Variants in KIF26B observed in about 807,000 individuals in gnomAD.
KIF26B encodes the protein kinesin family member 26B.
A neutral mutation model predicts 151.2 loss-of-function variants in KIF26B; 63 were observed. The ratio of observed to expected loss-of-function variants is 0.42; its 90% confidence interval spans 0.34 to 0.51. The LOEUF is 0.51. Among genes scored for constraint, KIF26B ranks in the 20% least tolerant of loss-of-function variants. KIF26B has a pLI of 0.07. For synonymous variants in KIF26B, 1,357 were observed against 1,262.1 expected, an observed-to-expected ratio of 1.08 and a Z score of -1.59; for missense variants, 2,813 against 2,913.6, an observed-to-expected ratio of 0.97 and a Z score of 0.79.
chr1:245,561,744 G>T (rs2042953891), intron 5 of KIF26B, among the ~76,000 whole-genome samples: 1 of 152,190 alleles, frequency 6.6e-6, no homozygotes, highest in Admixed American at 6.5e-5. Flanking sequence ...TCATGTGCAT[G>T]CTGCATCTCT....
At chr1:245,274,163 C>A (rs1670899645) in intron 2 of KIF26B, among the ~76,000 whole-genome samples, 1 of 152,148 alleles carries the variant, frequency 6.6e-6, no homozygotes, top group Non-Finnish European at 1.5e-5. Context: ...ATTGATGTCA[C>A]AAATTCATGT....
Position 245,218,555 on chromosome 1 carries a change from G to T in KIF26B, c.465+61872G>T, listed in dbSNP as rs182413371. ...GGAGATCTGAATATCAACTCTCTAT[G>T]GAAGAACAAGAACCGAGGTGTCTCT... On this transcript the variant is annotated intron_variant, in intron 2 of 14. Coordinates refer to ENST00000407071, the MANE Select transcript of KIF26B (RefSeq NM_018012.4). This position sits in a 1 kb window ranked among gnomAD's most constrained non-coding sequence, Gnocchi z 4.1. Among the ~76,000 whole-genome samples the T allele has an allele frequency of 3.4e-4, 52 of 152,274 alleles. No homozygotes were observed. Among genetic ancestry groups the T allele is most frequent in the South Asian group, 1.7e-3 (8 of 4,814 alleles).
intron 5 of KIF26B, among the ~76,000 whole-genome samples, chr1:245,551,718 T>C (rs1443396688): frequency 6.6e-6 from 1 of 152,086 alleles, no homozygotes; most frequent in Non-Finnish European, 1.5e-5. Context: ...CAGAAGGAAG[T>C]TGGCTCTTGT....
Position 245,702,833 on chromosome 1 carries a change from G to A in KIF26B, c.*227G>A, listed in dbSNP as rs2044790600. On this transcript the variant is annotated 3_prime_UTR_variant, in exon 15 of 15. Transcript: ENST00000407071. The surrounding 1 kb of genome is among the most constrained non-coding windows in gnomAD (Gnocchi z 4.1). ...GAGAAAAGGATGGGAAGCCCGAGGG[G>A]TGTCCAAGCCCTGTGAGACTGAAAA... The A allele has an allele frequency of 6.2e-6, 3 of 481,060 alleles. No individual in the cohort carries two copies. The highest frequency in any genetic ancestry group is 3.5e-5 in the Admixed American group (1 of 28,566). 29.8% of individuals were successfully genotyped at this position (481,060 alleles called of 1,614,324 possible).
At chr1:245,412,917 A>T (rs1674322164) in intron 3 of KIF26B, among the ~76,000 whole-genome samples, 1 of 152,202 alleles carries the variant, frequency 6.6e-6, no homozygotes, top group Non-Finnish European at 1.5e-5. Flanking sequence ...CTGCGCAGAC[A>T]CACATGTGCA....
At chr1:245,489,859 T>A (rs1346169036) in intron 4 of KIF26B, among the ~76,000 whole-genome samples, 1 of 152,238 alleles carries the variant, frequency 6.6e-6, no homozygotes, top group Non-Finnish European at 1.5e-5. Context: ...GGAACTTTGC[T>A]GAGAACTTTA....
intron 2 of KIF26B, among the ~76,000 whole-genome samples, chr1:245,204,634 A>G (rs1669364936): frequency 6.6e-6 from 1 of 152,004 alleles, no homozygotes; most frequent in African/African-American, 2.4e-5. Flanking sequence ...TTGGCCTCCT[A>G]AAGTGCTGGG....
Position 245,686,490 on chromosome 1 carries a change from G to T in KIF26B, c.3507G>T (p.Leu1169=). ...ATPSESKKEI[L]STTMVTVQQP... is the part of the protein sequence containing the mutation. ...CTTCAGAGTCCAAGAAGGAGATCCT[G>T]AGCACCACGATGGTGACGGTGCAGC... is the stretch of plus-strand genomic sequence containing the variant. Residue 1169 remains leucine (L), a synonymous_variant, in exon 12 of 15, where the codon CTG becomes CTT. Coordinates refer to ENST00000407071, the MANE Select transcript of KIF26B (RefSeq NM_018012.4). The surrounding 1 kb of genome is among the most constrained non-coding windows in gnomAD (Gnocchi z 5.6). 6.2e-7 allele frequency: 1 copy of T among 1,613,080 alleles called. No individual in the cohort carries two copies. Among genetic ancestry groups the T allele is most frequent in the Non-Finnish European group, 8.5e-7 (1 of 1,179,850 alleles).
At chr1:245,172,182 C>G (rs1668722571) in intron 2 of KIF26B, among the ~76,000 whole-genome samples, 1 of 152,096 alleles carries the variant, frequency 6.6e-6, no homozygotes, top group African/African-American at 2.4e-5. Flanking sequence ...ATGACTAAGA[C>G]GCAGCCCTTG....
intron 9 of KIF26B, among the ~76,000 whole-genome samples, chr1:245,613,357 C>T (rs1365313940): frequency 6.6e-6 from 1 of 152,158 alleles, no homozygotes; most frequent in Non-Finnish European, 1.5e-5. Context: ...AATCCCAGCA[C>T]TTTGGAAGGC....
rs893002170 is a variant in KIF26B at position 245,702,237 on chromosome 1, G to GA, written c.6179-215dup. 1.1e-4 allele frequency among the ~76,000 whole-genome samples: 16 copies of GA among 152,230 alleles called. No homozygotes were observed. The highest frequency in any genetic ancestry group is 3.6e-4 in the African/African-American group (15 of 41,534). On this transcript the variant is annotated intron_variant, in intron 14 of 14. Transcript: ENST00000407071. This position sits in a 1 kb window ranked among gnomAD's most constrained non-coding sequence, Gnocchi z 4.1. Reference sequence around the variant, plus strand: ...CACCTTATTGGTCAGTAGAATCTCAGAAAAAACCTTAAGGATCTAAATACT... The same window carrying GA: ...CACCTTATTGGTCAGTAGAATCTCAGAAAAAAACCTTAAGGATCTAAATACT...
chr1:245,619,190 G>T (rs1235587000), intron 9 of KIF26B, among the ~76,000 whole-genome samples: 5 of 148,858 alleles, frequency 3.4e-5, no homozygotes, highest in Non-Finnish European at 5.9e-5. Flanking sequence ...GACTGCCACA[G>T]TGCTGGGGCT....
chr1:245,155,128 C>T lies in KIF26B; in HGVS notation c.-297C>T. The T allele has an allele frequency of 1.9e-6, 1 of 531,178 alleles. No individual in the cohort carries two copies. Among genetic ancestry groups the T allele is most frequent in the Non-Finnish European group, 3.3e-6 (1 of 307,626 alleles). 32.9% of individuals were successfully genotyped at this position (531,178 alleles called of 1,614,324 possible). A position where few individuals can be genotyped will look rare whatever the true frequency, so the allele number is the denominator to read the frequency against. ...CGGACTGACTTGGCTGAAGAAAATG[C>T]CAGTTCTGTGGATGTGGCCGTGACA... On this transcript the variant is annotated 5_prime_UTR_variant, in exon 1 of 15. Coordinates refer to ENST00000407071, the MANE Select transcript of KIF26B (RefSeq NM_018012.4).
intron 12 of KIF26B, among the ~76,000 whole-genome samples, chr1:245,696,452 C>T (rs151054893): frequency 6.6e-6 from 1 of 152,248 alleles, no homozygotes; most frequent in East Asian, 1.9e-4. Flanking sequence ...GCCAGAACCA[C>T]CTGGCAAAAA....
chr1:245,617,984 C>T (rs2043611384), intron 9 of KIF26B, among the ~76,000 whole-genome samples: 3 of 152,100 alleles, frequency 2.0e-5, no homozygotes, highest in Non-Finnish European at 4.4e-5. Flanking sequence ...GGGACCTCAC[C>T]AATTGGGACC....
intron 4 of KIF26B, among the ~76,000 whole-genome samples, chr1:245,471,520 C>T (rs530895102): frequency 1.4e-5 from 2 of 140,068 alleles, no homozygotes; most frequent in African/African-American, 4.9e-5. Flanking sequence ...ATGTTGACAA[C>T]TGCTGTTACA....
chr1:245,178,666 C>G (rs1573690898), intron 2 of KIF26B, among the ~76,000 whole-genome samples: 1 of 152,176 alleles, frequency 6.6e-6, no homozygotes, highest in East Asian at 1.9e-4. Flanking sequence ...GCTGTTTAAC[C>G]TCTTTACCCT....
At chr1:245,584,694 G>T (rs2043206540) in intron 5 of KIF26B, among the ~76,000 whole-genome samples, 1 of 152,180 alleles carries the variant, frequency 6.6e-6, no homozygotes, top group Non-Finnish European at 1.5e-5. Context: ...TCTATCGCGG[G>T]CAGTTTATGC....
chr1:245,506,000 TACAAC>T (rs1660722693), intron 4 of KIF26B, among the ~76,000 whole-genome samples: 1 of 152,248 alleles, frequency 6.6e-6, no homozygotes, highest in Admixed American at 6.5e-5. Flanking sequence ...TTTCATTATT[TACAAC>T]AATTTAGTAA....
Sources: allele counts gnomAD v4.1 joint callset (sites outside exome capture counted in the v4.1 genomes callset), GRCh38; gene constraint gnomAD v4.1.1; non-coding constraint Gnocchi (gnomAD v3.1); transcripts MANE v1.5; gene names NCBI Gene and HGNC (gene_info 2026-07-23, HGNC 2026-07-21).